ZFPM2: variants seen among roughly 807,000 people sequenced by gnomAD.
ZFPM2 encodes the protein zinc finger protein, FOG family member 2.
ZFPM2 carries 20 observed loss-of-function variants against 98.6 expected under a neutral mutation model. That is an observed-to-expected ratio of 0.20 (90% CI 0.14 to 0.29). The LOEUF (loss-of-function observed/expected upper bound fraction) is 0.29. Among genes scored for constraint, ZFPM2 ranks in the 10% least tolerant of loss-of-function variants. ZFPM2 has a pLI of 1.00. For missense variants in ZFPM2, 1,310 were observed against 1,388.6 expected (o/e 0.94, Z 0.90); for synonymous variants, 518 against 502.7 (o/e 1.03, Z -0.41).
intron 4 of ZFPM2, among the ~76,000 whole-genome samples, chr8:105,578,620 AC>A (rs1554618856): frequency 6.6e-6 from 1 of 152,018 alleles, no homozygotes; most frequent in East Asian, 1.9e-4. Flanking sequence ...TACCTAGTGA[AC>A]CTAACATTGT....
At chr8:105,356,284 A>G (rs1378614398) in intron 1 of ZFPM2, among the ~76,000 whole-genome samples, 1 of 152,144 alleles carries the variant, frequency 6.6e-6, no homozygotes, top group Non-Finnish European at 1.5e-5. Flanking sequence ...GTTTCTATGT[A>G]TTTGTGGTGC....
chr8:105,329,662 G>A (rs542717023), intron 1 of ZFPM2, among the ~76,000 whole-genome samples: 10 of 151,766 alleles, frequency 6.6e-5, no homozygotes, highest in Middle Eastern at 6.8e-3. Flanking sequence ...AAATTACTTC[G>A]TAAATTAATC....
At chr8:105,723,437 C>G (rs1811719142) in intron 5 of ZFPM2, among the ~76,000 whole-genome samples, 2 of 151,786 alleles carry the variant, frequency 1.3e-5, no homozygotes. Context: ...CCTTATGACC[C>G]CTCGATCTAA....
intron 5 of ZFPM2, among the ~76,000 whole-genome samples, chr8:105,760,505 A>T (rs927241955): frequency 3.3e-5 from 5 of 152,070 alleles, no homozygotes; most frequent in African/African-American, 1.2e-4. Flanking sequence ...AAGCAAACAT[A>T]AACTTAAATG....
At chr8:105,339,274 T>C (rs1428982644) in intron 1 of ZFPM2, among the ~76,000 whole-genome samples, 1 of 151,860 alleles carries the variant, frequency 6.6e-6, no homozygotes, top group Non-Finnish European at 1.5e-5. Flanking sequence ...TGTTGTTCCA[T>C]CTTTTTTTGC....
chr8:105,448,497 A>C (rs544298367), intron 3 of ZFPM2, among the ~76,000 whole-genome samples: 1 of 151,984 alleles, frequency 6.6e-6, no homozygotes, highest in Admixed American at 6.6e-5. Flanking sequence ...TCAAGGTGTA[A>C]CATCATGCTG....
chr8:105,759,631 T>C (rs1373197665), intron 5 of ZFPM2, among the ~76,000 whole-genome samples: 4 of 151,554 alleles, frequency 2.6e-5, no homozygotes, highest in Non-Finnish European at 5.9e-5. Flanking sequence ...TGTGTATTCA[T>C]TATTCAAATG....
intron 3 of ZFPM2, among the ~76,000 whole-genome samples, chr8:105,496,251 A>G (rs1813464905): frequency 6.6e-6 from 1 of 152,234 alleles, no homozygotes; most frequent in Admixed American, 6.5e-5. Context: ...AGCTCAAGCA[A>G]TTCCCGTGCC....
At chr8:105,792,436 T>C (rs1167661701) in intron 6 of ZFPM2, among the ~76,000 whole-genome samples, 2 of 152,234 alleles carry the variant, frequency 1.3e-5, no homozygotes, top group African/African-American at 4.8e-5. Context: ...CTAGTTTGAT[T>C]GCACTGTGGT....
intron 5 of ZFPM2, among the ~76,000 whole-genome samples, chr8:105,767,225 A>G (rs1420025860): frequency 6.6e-6 from 1 of 151,984 alleles, no homozygotes; most frequent in Admixed American, 6.6e-5. Context: ...ACCATCCTGT[A>G]TAGTGACTTT....
At chr8:105,609,117 T>C (rs1039863153) in intron 4 of ZFPM2, among the ~76,000 whole-genome samples, 3 of 152,084 alleles carry the variant, frequency 2.0e-5, no homozygotes, top group African/African-American at 7.2e-5. Flanking sequence ...AGCACAATTA[T>C]ATTCCCAGGG....
At chr8:105,641,917 G>T (rs1816955721) in intron 5 of ZFPM2, among the ~76,000 whole-genome samples, 1 of 152,072 alleles carries the variant, frequency 6.6e-6, no homozygotes, top group Non-Finnish European at 1.5e-5. Context: ...ATGCATGAAT[G>T]AAGCTTCTGT....
chr8:105,698,659 A>T (rs1440865960), intron 5 of ZFPM2, among the ~76,000 whole-genome samples: 2 of 152,190 alleles, frequency 1.3e-5, no homozygotes, highest in Non-Finnish European at 2.9e-5. Flanking sequence ...AAGTTCATGG[A>T]TTATACAGAA....
chr8:105,402,619 C>T (rs1811362628), intron 1 of ZFPM2, among the ~76,000 whole-genome samples: 1 of 151,854 alleles, frequency 6.6e-6, no homozygotes, highest in South Asian at 2.1e-4. Flanking sequence ...AATTTAGTTC[C>T]TCTTTTAATA....
At chr8:105,622,655 G>T (rs1464959418) in intron 4 of ZFPM2, among the ~76,000 whole-genome samples, 8 of 152,090 alleles carry the variant, frequency 5.3e-5, no homozygotes, top group African/African-American at 1.7e-4. Flanking sequence ...CATGTTGAGT[G>T]GATCTGTTTG....
intron 6 of ZFPM2, among the ~76,000 whole-genome samples, chr8:105,793,554 A>T (rs970377095): frequency 6.6e-6 from 1 of 152,172 alleles, no homozygotes; most frequent in African/African-American, 2.4e-5. Context: ...GAATCTGATA[A>T]TTATGTGTCT....
At chr8:105,559,671 G>C (rs1563719396) in intron 3 of ZFPM2, among the ~76,000 whole-genome samples, 1 of 151,926 alleles carries the variant, frequency 6.6e-6, no homozygotes. Flanking sequence ...TGGTTTTCAG[G>C]ATAAGCAATA....
At chr8:105,493,097 G>A (rs2130438752) in intron 3 of ZFPM2, among the ~76,000 whole-genome samples, 1 of 152,266 alleles carries the variant, frequency 6.6e-6, no homozygotes, top group African/African-American at 2.4e-5. Flanking sequence ...GATTAAATAT[G>A]TCTGGCTTTG....
intron 4 of ZFPM2, among the ~76,000 whole-genome samples, chr8:105,622,545 T>C (rs1435114782): frequency 2.6e-5 from 4 of 152,184 alleles, no homozygotes; most frequent in African/African-American, 9.6e-5. Flanking sequence ...AGGGGCACTA[T>C]TAATAAAGGT....
Sources: allele counts gnomAD v4.1 joint callset (sites outside exome capture counted in the v4.1 genomes callset), GRCh38; gene constraint gnomAD v4.1.1; transcripts MANE v1.5; gene names NCBI Gene and HGNC (gene_info 2026-07-23, HGNC 2026-07-21).